Variants in EYA3 observed in about 807,000 individuals in gnomAD.
EYA3 encodes protein phosphatase EYA3.
A neutral mutation model predicts 80.0 loss-of-function variants in EYA3; 39 were observed. That is an observed-to-expected ratio of 0.49 (90% confidence interval 0.38 to 0.64). The LOEUF (loss-of-function observed/expected upper bound fraction) is 0.64. EYA3 is among the 30% of genes least tolerant of loss of function. The probability of loss-of-function intolerance (pLI) is 0.00; values close to 1 mark genes in which losing one functional copy is unlikely to be tolerated. For synonymous variants in EYA3, 206 were observed against 232.8 expected, an observed-to-expected ratio of 0.88 and a Z score of 1.05; for missense variants, 523 against 676.1, an observed-to-expected ratio of 0.77 and a Z score of 2.51.
Position 28,053,153 on chromosome 1 carries a change from C to CAA in EYA3, c.34-4729_34-4728dup, listed in dbSNP as rs34075939. ...TGGGTGACAAAATGAGACCCCGTCT[C>CAA]AAAAAAAAAAAAAAAAAAAAAAAAA... On this transcript the variant is annotated intron_variant, in intron 2 of 17. Transcript: ENST00000373871. Among the ~76,000 whole-genome samples the CAA allele has an allele frequency of 5.1e-3, 369 of 72,398 alleles. 3 individuals carry two copies. Among genetic ancestry groups the CAA allele is most frequent in the African/African-American group, 0.012 (206 of 17,818 alleles). 47.5% of individuals were successfully genotyped at this position (72,398 alleles called of 152,430 possible).
intron 13 of EYA3, among the ~76,000 whole-genome samples, chr1:27,994,812 T>A (rs943847063): frequency 4.0e-5 from 6 of 148,456 alleles, no homozygotes; most frequent in Non-Finnish European, 6.0e-5. Flanking sequence ...AAGAAAAAAA[T>A]TTTTTAATTA....
intron 1 of EYA3, among the ~76,000 whole-genome samples, chr1:28,067,923 T>C (rs550635481): frequency 3.3e-5 from 5 of 152,270 alleles, no homozygotes; most frequent in Admixed American, 2.6e-4. Flanking sequence ...TTGAGGAAAT[T>C]AAACAAAAGA....
At chr1:28,069,524 A>G (rs1644946435) in intron 1 of EYA3, among the ~76,000 whole-genome samples, 1 of 150,324 alleles carries the variant, frequency 6.7e-6, no homozygotes, top group Admixed American at 6.6e-5. Context: ...AGCCTGGACA[A>G]CACAGCAAGA....
At chr1:28,010,595 G>A (rs1641622190) in intron 10 of EYA3, among the ~76,000 whole-genome samples, 1 of 152,080 alleles carries the variant, frequency 6.6e-6, no homozygotes, top group African/African-American at 2.4e-5. Flanking sequence ...ATGTTGCCTA[G>A]GCTGGTCTCA....
chr1:27,986,415 T>C lies in EYA3; in HGVS notation c.1540+2120A>G, dbSNP rs560064950. On this transcript the variant is annotated intron_variant, in intron 16 of 17. Transcript: ENST00000373871. ...TCTCTTAACATTTTTTTTTTTTTTTTTGAGGCAGAGTCTCACTCTGTTGCC... is the reference window on the plus strand; with the variant it reads ...TCTCTTAACATTTTTTTTTTTTTTTCTGAGGCAGAGTCTCACTCTGTTGCC... Among the ~76,000 whole-genome samples, 9 of 151,874 alleles carry C rather than the reference T, an allele frequency of 5.9e-5. No individual in the cohort carries two copies. In the South Asian group the frequency reaches 1.9e-3, roughly 32 times the overall value.
intron 17 of EYA3, among the ~76,000 whole-genome samples, chr1:27,976,541 C>T (rs145590289): frequency 2.5e-4 from 38 of 152,188 alleles, no homozygotes; most frequent in African/African-American, 7.5e-4. Context: ...AGGGGGAACA[C>T]CCTAACAGCT....
chr1:28,001,146 A>G (rs1365586272), intron 11 of EYA3, among the ~76,000 whole-genome samples: 1 of 149,264 alleles, frequency 6.7e-6, no homozygotes, highest in Non-Finnish European at 1.5e-5. Context: ...CATTATATAT[A>G]CACAGTAATA....
chr1:28,000,163 G>T, intron 11 of EYA3, 114 bp from the exon 12 acceptor site: 1 of 576,232 alleles, frequency 1.7e-6, no homozygotes, highest in Non-Finnish European at 3.0e-6. Context: ...TCCCAACTGT[G>T]CTTCAAACTA....
intron 5 of EYA3, among the ~76,000 whole-genome samples, chr1:28,036,493 G>A (rs535774152): frequency 5.3e-5 from 8 of 152,172 alleles, no homozygotes; most frequent in Non-Finnish European, 4.4e-5. Context: ...ATCAAAAAAC[G>A]GAAGTAGAGA....
chr1:27,986,066 T>C (rs1334634642), intron 16 of EYA3, among the ~76,000 whole-genome samples: 1 of 152,100 alleles, frequency 6.6e-6, no homozygotes, highest in Non-Finnish European at 1.5e-5. Flanking sequence ...TTCACTAATC[T>C]TTAAAACAAA....
intron 1 of EYA3, among the ~76,000 whole-genome samples, chr1:28,075,025 A>C (rs983145664): frequency 6.6e-6 from 1 of 152,180 alleles, no homozygotes; most frequent in Non-Finnish European, 1.5e-5. Flanking sequence ...CCAGTATAAG[A>C]CTCAGTGTGT....
chr1:28,080,837 G>T (rs933642378), intron 1 of EYA3, among the ~76,000 whole-genome samples: 1 of 152,002 alleles, frequency 6.6e-6, no homozygotes, highest in Non-Finnish European at 1.5e-5. Flanking sequence ...TGCAACCTCC[G>T]CCTCCTGGGT....
At chr1:28,022,740 G>A (rs1306240535) in intron 7 of EYA3, among the ~76,000 whole-genome samples, 2 of 151,580 alleles carry the variant, frequency 1.3e-5, no homozygotes, top group African/African-American at 2.4e-5. Context: ...TTTGAGACAG[G>A]GTCTCACTCT....
chr1:27,999,388 C>T (rs1298912494), intron 12 of EYA3, among the ~76,000 whole-genome samples: 1 of 152,122 alleles, frequency 6.6e-6, no homozygotes, highest in Non-Finnish European at 1.5e-5. Flanking sequence ...AATGTCAAAG[C>T]CAAAAAATTT....
At chr1:28,052,810 C>T (rs1056403456) in intron 2 of EYA3, among the ~76,000 whole-genome samples, 2 of 152,000 alleles carry the variant, frequency 1.3e-5, no homozygotes, top group Middle Eastern at 3.4e-3. Context: ...GGTGTGGTGG[C>T]AGGCGCCTGT....
intron 6 of EYA3, among the ~76,000 whole-genome samples, chr1:28,032,465 C>T (rs1176642345): frequency 6.6e-6 from 1 of 152,058 alleles, no homozygotes; most frequent in African/African-American, 2.4e-5. Flanking sequence ...GATACATTCC[C>T]AGAAGTGAAA....
At chr1:28,079,414 T>C (rs1326024778) in intron 1 of EYA3, among the ~76,000 whole-genome samples, 1 of 152,218 alleles carries the variant, frequency 6.6e-6, no homozygotes, top group Non-Finnish European at 1.5e-5. Flanking sequence ...CCTCTTTTTT[T>C]GGTTTACAAA....
chr1:28,087,656 C>T (rs1325759052), intron 1 of EYA3, among the ~76,000 whole-genome samples: 2 of 152,202 alleles, frequency 1.3e-5, no homozygotes, highest in Non-Finnish European at 2.9e-5. Flanking sequence ...GAAAACAGAG[C>T]TGAACGTCCC....
chr1:28,030,346 G>A (rs1192109411), intron 6 of EYA3, among the ~76,000 whole-genome samples: 2 of 152,134 alleles, frequency 1.3e-5, no homozygotes, highest in Non-Finnish European at 2.9e-5. Flanking sequence ...AGGCTGGAGG[G>A]CAGTGGTGCA....
Sources: gnomAD v4.1 joint callset for allele counts (sites outside exome capture counted in the v4.1 genomes callset) on GRCh38, gnomAD v4.1.1 for gene constraint, MANE v1.5 for transcripts, NCBI Gene and HGNC (gene_info 2026-07-23, HGNC 2026-07-21) for gene names.